Variants in KBTBD8 observed in about 807,000 individuals in gnomAD.
KBTBD8 encodes kelch repeat and BTB domain containing 8.
A neutral mutation model predicts 53.5 loss-of-function variants in KBTBD8; 31 were observed. That is an observed-to-expected ratio of 0.58 (90% CI 0.44 to 0.78). The LOEUF is 0.78. Among genes scored for constraint, KBTBD8 ranks in the 30% least tolerant of loss-of-function variants. KBTBD8 has a pLI of 0.00. For synonymous variants in KBTBD8, 250 were observed against 247.3 expected, an observed-to-expected ratio of 1.01 and a Z score of -0.10; for missense variants, 642 against 735.8, an observed-to-expected ratio of 0.87 and a Z score of 1.48.
intron 2 of KBTBD8, 57 bp downstream of exon 2, chr3:66,999,248 A>T: frequency 7.7e-7 from 1 of 1,305,690 alleles, no homozygotes; most frequent in East Asian, 2.3e-5. Flanking sequence ...TTTCCCCCTC[A>T]GTATTGTCCA....
chr3:67,005,295 A>G (rs766185496), intron 3 of KBTBD8, among the ~76,000 whole-genome samples: 18 of 152,232 alleles, frequency 1.2e-4, no homozygotes, highest in African/African-American at 3.6e-4. Flanking sequence ...GTCATGTGCC[A>G]TGTAATGTTT....
At chr3:66,999,877 A>G (rs987111968) in intron 2 of KBTBD8, among the ~76,000 whole-genome samples, 9 of 152,234 alleles carry the variant, frequency 5.9e-5, no homozygotes, top group Admixed American at 5.9e-4. Context: ...TGTTAAACGA[A>G]GTTTTTGTTT....
chr3:67,006,167 C>A (rs1208126458), intron 3 of KBTBD8, among the ~76,000 whole-genome samples: 4 of 152,124 alleles, frequency 2.6e-5, no homozygotes, highest in Non-Finnish European at 5.9e-5. Context: ...TAGGTTATGT[C>A]ATCCAGTATG....
intron 2 of KBTBD8, among the ~76,000 whole-genome samples, chr3:67,002,512 CTTTTTTTTT>C (rs57174511): frequency 1.1e-5 from 1 of 90,368 alleles, no homozygotes; most frequent in Non-Finnish European, 2.0e-5. Flanking sequence ...TATAGGTATT[CTTTTTTTTT>C]TTTTTTTTTT....
intron 3 of KBTBD8, among the ~76,000 whole-genome samples, chr3:67,006,364 T>G (rs1164427421): frequency 1.3e-5 from 2 of 152,196 alleles, no homozygotes; most frequent in African/African-American, 4.8e-5. Context: ...AGGTTATATT[T>G]TATATAAGAG....
chr3:67,006,438 C>G (rs1224617247), intron 3 of KBTBD8, among the ~76,000 whole-genome samples: 1 of 152,122 alleles, frequency 6.6e-6, no homozygotes, highest in African/African-American at 2.4e-5. Flanking sequence ...TTAAAGAGTA[C>G]TTTAGATTTT....
rs1265830963 is a variant in KBTBD8, at chr3:67,008,330, A to G, written c.1751A>G (p.His584Arg). The change falls in exon 4 of 4, where the codon CAT becomes CGT. Residue 584 changes from histidine to arginine, a missense_variant. His to Arg is a conservative substitution (Grantham distance 29). Coordinates refer to ENST00000417314, the MANE Select transcript of KBTBD8 (RefSeq NM_032505.3). ...GATCGGCTCTGGGACCTTGGCCGGC[A>G]TTTTGAATGTGCTGTTGCTAAACTG... The part of the protein sequence containing the change: ...TPDRLWDLGR[H>R]FECAVAKLYP... The G allele has an allele frequency of 1.2e-6, 2 of 1,613,440 alleles. No homozygotes were observed. Among genetic ancestry groups the G allele is most frequent in the Admixed American group, 1.7e-5 (1 of 59,978 alleles).
chr3:66,998,471 C>A, intron 1 of KBTBD8, 100 bp downstream of exon 1: 2 of 952,048 alleles, frequency 2.1e-6, no homozygotes, highest in Non-Finnish European at 2.8e-6. Context: ...CGGTGCGGAG[C>A]TAGAGGGAAG....
At chr3:67,007,296 A>G (rs1242481492) in intron 3 of KBTBD8, among the ~76,000 whole-genome samples, 2 of 151,584 alleles carry the variant, frequency 1.3e-5, no homozygotes, top group Non-Finnish European at 2.9e-5. Flanking sequence ...CAAATTGGAT[A>G]GAGCAAATAG....
At position 67,011,127 on chromosome 3, in the gene KBTBD8, A is replaced by G; in HGVS notation, c.*2742A>G. The G allele has an allele frequency of 6.6e-6, 1 of 152,402 alleles. No individual in the cohort carries two copies. The highest frequency in any genetic ancestry group is 1.9e-4 in the East Asian group (1 of 5,176). The allele number at this position is 152,402 out of a possible 1,614,324, so 9.4% of individuals were successfully genotyped here. On this transcript the variant is annotated 3_prime_UTR_variant, in exon 4 of 4. Coordinates refer to ENST00000417314, the MANE Select transcript of KBTBD8 (RefSeq NM_032505.3). Reference sequence around the variant, plus strand: ...TGGGGGCAAATGTGTAGATATTTTTAAACATTTTGCCATAATTGCACAATT... The same window carrying G: ...TGGGGGCAAATGTGTAGATATTTTTGAACATTTTGCCATAATTGCACAATT...
At position 67,005,810 on chromosome 3, in the gene KBTBD8, A is replaced by G. The variant is rs60477258; in HGVS notation, c.1342+1501A>G. Among the ~76,000 whole-genome samples, 604 of 151,828 alleles carry G rather than the reference A, an allele frequency of 4.0e-3. 4 individuals carry two copies. Among genetic ancestry groups the G allele is most frequent in the African/African-American group, 0.014 (585 of 41,382 alleles). The stretch of plus-strand genomic sequence containing the variant: ...TCCACCTCAGTCTCAGGCATCTGCC[A>G]CCATGCCTGGCTAATTTTTTTATTT... On this transcript the variant is annotated intron_variant, in intron 3 of 3. Coordinates refer to ENST00000417314, the MANE Select transcript of KBTBD8 (RefSeq NM_032505.3).
Position 66,999,012 on chromosome 3 carries a change from G to T in KBTBD8, c.48G>T (p.Gly16=). 3 of 1,612,324 alleles carry T rather than the reference G, an allele frequency of 1.9e-6. No individual in the cohort carries two copies. The highest frequency in any genetic ancestry group is 2.5e-6 in the Non-Finnish European group (3 of 1,179,200). The change falls in exon 2 of 4, where the codon GGG becomes GGT. Residue 16 remains glycine, a synonymous_variant. Coordinates refer to ENST00000417314, the MANE Select transcript of KBTBD8 (RefSeq NM_032505.3). The part of the protein sequence containing the change: ...DLSKSSPTPN[G]IPSSDPASDA... ...GTAAGTCTTCCCCAACACCGAATGGGATTCCATCTTCAGACCCAGCCAGCG... is the reference window on the plus strand; with the variant it reads ...GTAAGTCTTCCCCAACACCGAATGGTATTCCATCTTCAGACCCAGCCAGCG...
rs763355205 is a variant in KBTBD8 at position 66,999,233 on chromosome 3, C to T, written c.227+42C>T. 4.9e-6 allele frequency: 7 copies of T among 1,442,744 alleles called. No homozygotes were observed. The East Asian group carries it at 1.1e-4, about 23-fold the overall frequency. 89.4% of individuals were successfully genotyped at this position (1,442,744 alleles called of 1,614,324 possible). ...AACTTCTGTTGGTATCTGCACCAAG[C>T]TCCCTTTCCCCCTCAGTATTGTCCA... On this transcript the variant is annotated intron_variant, in intron 2 of 3. Transcript: ENST00000417314.
In KBTBD8 at chr3:67,008,233, A is replaced by G. The variant is rs1363432769; in HGVS notation, c.1654A>G (p.Thr552Ala). ...QVTVEEHVFR[T>A]SRKNSLYQYD... ...GACTGTTGAAGAACACGTCTTCAGA[A>G]CCAGCAGAAAAAATTCCCTTTACCA... is the stretch of plus-strand genomic sequence containing the variant. Residue 552 changes from threonine (T) to alanine (A), a missense_variant, in exon 4 of 4, where the codon ACC becomes GCC. Coordinates refer to ENST00000417314, the MANE Select transcript of KBTBD8 (RefSeq NM_032505.3). 1 of 1,614,142 alleles carries G rather than the reference A, an allele frequency of 6.2e-7. No individual in the cohort carries two copies. The highest frequency in any genetic ancestry group is 2.2e-5 in the East Asian group (1 of 44,888).
intron 3 of KBTBD8, among the ~76,000 whole-genome samples, chr3:67,007,057 T>A (rs1359070269): frequency 1.3e-5 from 2 of 152,212 alleles, no homozygotes; most frequent in Admixed American, 6.5e-5. Flanking sequence ...TCATGTTTTC[T>A]CCTGCTGAAT....
chr3:67,000,463 A>G (rs932780520), intron 2 of KBTBD8, among the ~76,000 whole-genome samples: 31 of 152,204 alleles, frequency 2.0e-4, no homozygotes, highest in Admixed American at 1.9e-3. Flanking sequence ...CTTACTTTAC[A>G]TGTATTGCCT....
intron 3 of KBTBD8, among the ~76,000 whole-genome samples, chr3:67,007,465 C>T (rs1366831513): frequency 6.6e-6 from 1 of 151,838 alleles, no homozygotes; most frequent in African/African-American, 2.4e-5. Context: ...ATTACAGGTG[C>T]CTGCCACCAC....
At position 67,008,181 on chromosome 3, in the gene KBTBD8, C is replaced by G; in HGVS notation, c.1602C>G (p.Leu534=). The change falls in exon 4 of 4, where the codon CTC becomes CTG. Residue 534 remains leucine (L), a synonymous_variant. Coordinates refer to ENST00000417314, the MANE Select transcript of KBTBD8 (RefSeq NM_032505.3). ...YLKLVLFQNK[L]HLFVRATQVT... is the part of the protein sequence containing the mutation. ...AACTGGTACTTTTCCAGAACAAACTCCATTTATTTGTTCGAGCTACTCAAG... is the reference window on the plus strand; with the variant it reads ...AACTGGTACTTTTCCAGAACAAACTGCATTTATTTGTTCGAGCTACTCAAG... The G allele has an allele frequency of 6.2e-7, 1 of 1,614,104 alleles. No homozygotes were observed. Among genetic ancestry groups the G allele is most frequent in the Non-Finnish European group, 8.5e-7 (1 of 1,179,984 alleles).
At chr3:66,998,579 C>T (rs1249922039) in intron 1 of KBTBD8, among the ~76,000 whole-genome samples, 1 of 152,042 alleles carries the variant, frequency 6.6e-6, no homozygotes, top group Non-Finnish European at 1.5e-5. Flanking sequence ...GGGTACCCGC[C>T]GGCGCTGCGC....
Sources: gnomAD v4.1 joint callset for allele counts (sites outside exome capture counted in the v4.1 genomes callset) on GRCh38, gnomAD v4.1.1 for gene constraint, MANE v1.5 for transcripts, NCBI Gene and HGNC (gene_info 2026-07-23, HGNC 2026-07-21) for gene names.